SYNRG: variants seen among roughly 807,000 people sequenced by gnomAD.
The protein encoded by SYNRG is AP1 gamma subunit binding protein 1.
Under a neutral mutation model 130.9 loss-of-function variants are expected in SYNRG, and 37 were observed. The observed-to-expected ratio is 0.28, with a 90% CI of 0.22 to 0.37. SYNRG has a LOEUF of 0.37. Ranked by LOEUF, SYNRG falls within the 10% of genes least tolerant of loss-of-function variation. The pLI, the probability that SYNRG is intolerant of heterozygous loss-of-function variation, is 1.00. For missense variants in SYNRG, 1,338 were observed against 1,588.9 expected, an observed-to-expected ratio of 0.84 and a Z score of 2.68; for synonymous variants, 539 against 568.1, an observed-to-expected ratio of 0.95 and a Z score of 0.73.
chr17:37,539,842 G>C (rs2057571625), intron 16 of SYNRG, among the ~76,000 whole-genome samples: 1 of 152,188 alleles, frequency 6.6e-6, no homozygotes, highest in Non-Finnish European at 1.5e-5. Context: ...GAGGCACTCA[G>C]CATGTAGCTA....
chr17:37,520,622 G>A lies in SYNRG; in HGVS notation c.3693C>T (p.Ser1231=). The A allele has an allele frequency of 6.2e-7, 1 of 1,614,144 alleles. No homozygotes were observed. Among genetic ancestry groups the A allele is most frequent in the Non-Finnish European group, 8.5e-7 (1 of 1,180,040 alleles). Residue 1231 remains serine, a synonymous_variant, in exon 20 of 22, where the codon TCC becomes TCT. Coordinates refer to ENST00000612223, the MANE Select transcript of SYNRG (RefSeq NM_007247.6). ...TAATCCCAGGCCGTAACATACAGGA[G>A]GAAAAATCCAGCGAGTTTTCATCTG... ...LTPDENSLDF[S]SCMLRPGIKN...
chr17:37,559,618 AG>A (rs1159675732), intron 13 of SYNRG, among the ~76,000 whole-genome samples: 8 of 152,152 alleles, frequency 5.3e-5, no homozygotes, highest in African/African-American at 1.2e-4. Flanking sequence ...TGAACCCAAG[AG>A]GTGGAGGTTG....
intron 7 of SYNRG, 137 bp from the exon 8 acceptor site, chr17:37,576,555 C>A: frequency 1.6e-6 from 1 of 642,176 alleles, no homozygotes; most frequent in Non-Finnish European, 2.6e-6. Flanking sequence ...ATACTTGGTC[C>A]CCCCTGCCTC....
Position 37,563,732 on chromosome 17 carries a change from T to C in SYNRG, c.1482-2143A>G, listed in dbSNP as rs144531263. Among the ~76,000 whole-genome samples the C allele has an allele frequency of 3.4e-4, 51 of 152,184 alleles. 1 individual carries two copies. In the East Asian group the frequency reaches 6.8e-3, roughly 20 times the overall value. On this transcript the variant is annotated intron_variant, in intron 11 of 21. Transcript: ENST00000612223. ...TTGCATTTTTTGTAGAGATGGCATTTCCATAGGTTGTCCAGGATCAAGTGA... is the reference window on the plus strand; with the variant it reads ...TTGCATTTTTTGTAGAGATGGCATTCCCATAGGTTGTCCAGGATCAAGTGA...
At chr17:37,564,938 A>G (rs2059812068) in intron 11 of SYNRG, among the ~76,000 whole-genome samples, 1 of 152,242 alleles carries the variant, frequency 6.6e-6, no homozygotes, top group African/African-American at 2.4e-5. Context: ...TGAATAAATG[A>G]ATAATGAGTA....
chr17:37,553,531 G>C lies in SYNRG; in HGVS notation c.2192C>G (p.Thr731Arg). The C allele has an allele frequency of 6.2e-7, 1 of 1,614,186 alleles. No individual in the cohort carries two copies. The highest frequency in any genetic ancestry group is 1.1e-5 in the South Asian group (1 of 91,076). ...AGTCGAGTTTTGTCCACCCTTCACT[G>C]TGCTGCCCACGTTGCTGGTTAGAGG... ...PVPLTSNVGS[T>R]VKGGQNSTAA... Residue 731 changes from threonine to arginine, a missense_variant, in exon 14 of 22, where the codon ACA (threonine) becomes AGA (arginine). Coordinates refer to ENST00000612223, the MANE Select transcript of SYNRG (RefSeq NM_007247.6).
intron 14 of SYNRG, among the ~76,000 whole-genome samples, chr17:37,548,684 G>C (rs928702201): frequency 6.6e-6 from 1 of 151,960 alleles, no homozygotes; most frequent in Non-Finnish European, 1.5e-5. Context: ...TGGGCGTGGT[G>C]GCAGGCACCT....
intron 19 of SYNRG, among the ~76,000 whole-genome samples, chr17:37,533,461 A>G (rs1418533743): frequency 1.4e-4 from 17 of 117,424 alleles, no homozygotes; most frequent in Non-Finnish European, 2.7e-4. Context: ...TAGGAGATTA[A>G]AAAAAAAATG....
intron 1 of SYNRG, among the ~76,000 whole-genome samples, chr17:37,604,640 A>G (rs2063586621): frequency 6.6e-6 from 1 of 152,216 alleles, no homozygotes; most frequent in Non-Finnish European, 1.5e-5. Context: ...TTCCTTCAAG[A>G]ACTTTTCCTC....
In SYNRG at chr17:37,554,235, G is replaced by GTC. The variant is rs1329617522; in HGVS notation, c.1664-178_1664-177dup. Reference sequence around the variant, plus strand: ...ACTACACATTTATTTCCACACTGAAGTCTAGTGATACTGAAATAAATAGAA... The same window carrying GTC: ...ACTACACATTTATTTCCACACTGAAGTCTCTAGTGATACTGAAATAAATAGAA... On this transcript the variant is annotated intron_variant, in intron 13 of 21. Coordinates refer to ENST00000612223, the MANE Select transcript of SYNRG (RefSeq NM_007247.6). Among the ~76,000 whole-genome samples, 29 of 152,138 alleles carry GTC rather than the reference G, an allele frequency of 1.9e-4. 1 individual carries two copies. The highest frequency in any genetic ancestry group is 1.9e-3 in the Admixed American group (29 of 15,266).
intron 8 of SYNRG, among the ~76,000 whole-genome samples, chr17:37,573,254 T>C (rs2060570532): frequency 6.6e-6 from 1 of 151,906 alleles, no homozygotes; most frequent in South Asian, 2.1e-4. Context: ...ATAAAAAAAA[T>C]TAGCCAGGCG....
intron 8 of SYNRG, among the ~76,000 whole-genome samples, chr17:37,575,127 T>C (rs1025641447): frequency 2.0e-5 from 3 of 151,646 alleles, no homozygotes; most frequent in Admixed American, 6.6e-5. Flanking sequence ...AGACAGAGAA[T>C]AGAATGATGG....
At chr17:37,548,660 A>G (rs1056356601) in intron 14 of SYNRG, among the ~76,000 whole-genome samples, 2 of 151,708 alleles carry the variant, frequency 1.3e-5, no homozygotes, top group African/African-American at 2.4e-5. Context: ...TCTACTAAAA[A>G]TACAAAAATT....
intron 19 of SYNRG, among the ~76,000 whole-genome samples, chr17:37,526,041 G>A (rs1466777422): frequency 3.3e-5 from 5 of 152,130 alleles, no homozygotes; most frequent in African/African-American, 1.2e-4. Flanking sequence ...GCTGAGGTAG[G>A]AGAATAGCTT....
chr17:37,584,780 G>A, intron 5 of SYNRG, 21 bp from the exon 6 acceptor site: 1 of 1,561,716 alleles, frequency 6.4e-7, no homozygotes, highest in Non-Finnish European at 8.8e-7. Context: ...ACAAATATAT[G>A]CGTATTTCTT....
In SYNRG at chr17:37,576,358, T is replaced by C. The variant is rs762641336; in HGVS notation, c.884A>G (p.Asn295Ser). The C allele has an allele frequency of 3.1e-5, 50 of 1,613,682 alleles. No homozygotes were observed. Among genetic ancestry groups the C allele is most frequent in the South Asian group, 6.6e-5 (6 of 91,068 alleles). The change falls in exon 8 of 22, where the codon AAT becomes AGT. Residue 295 changes from asparagine to serine, a missense_variant. By Grantham distance (46) the Asn-to-Ser change is conservative (BLOSUM62 1). Around this residue, in one of 3 missense-constraint regions of SYNRG, gnomAD observed 1,146 missense variants for 1,342.3 expected, o/e 0.85. Coordinates refer to ENST00000612223, the MANE Select transcript of SYNRG (RefSeq NM_007247.6). Reference protein sequence around the residue: ...AQPRMPPWIYNESLVPDAYKK... With the variant: ...AQPRMPPWIYSESLVPDAYKK... ...TTTTTTACCTGGAACCAAACTCTCA[T>C]TGTAAATCCAAGGAGGCATTCTGGG...
chr17:37,560,587 C>T (rs900132567), intron 13 of SYNRG, among the ~76,000 whole-genome samples: 50 of 152,020 alleles, frequency 3.3e-4, no homozygotes, highest in African/African-American at 1.0e-3. Flanking sequence ...GATCCGCCCA[C>T]ATCGGCCTCC....
chr17:37,516,423 T>G lies in SYNRG; in HGVS notation c.*2517A>C, dbSNP rs2143317683. On this transcript the variant is annotated 3_prime_UTR_variant, in exon 22 of 22. Coordinates refer to ENST00000612223, the MANE Select transcript of SYNRG (RefSeq NM_007247.6). ...CAAAGGCTTTTTTTCTGTTGACATC[T>G]GCTGAATTTTCCTGTGGCACCTCCC... 6.6e-6 allele frequency: 1 copy of G among 152,318 alleles called. No individual in the cohort carries two copies. The highest frequency in any genetic ancestry group is 1.9e-4 in the East Asian group (1 of 5,188). 9.4% of individuals were successfully genotyped at this position (152,318 alleles called of 1,614,324 possible).
rs775106076 is a variant in SYNRG at position 37,520,547 on chromosome 17, C to T, written c.3768G>A (p.Ser1256=). The change falls in exon 20 of 22, where the codon TCG becomes TCA. Residue 1256 remains serine, a synonymous_variant. Transcript: ENST00000612223. ...ACGVCLLNVD[S]RSRKEEKPAE... ...AGGCTGCGTGACTTACCCGGCTCCTCGAGTCCACATTCAAGAGGCACACTC... is the reference window on the plus strand; with the variant it reads ...AGGCTGCGTGACTTACCCGGCTCCTTGAGTCCACATTCAAGAGGCACACTC... The T allele has an allele frequency of 3.7e-6, 6 of 1,614,092 alleles. No individual in the cohort carries two copies. Among genetic ancestry groups the T allele is most frequent in the South Asian group, 1.1e-5 (1 of 91,080 alleles).
Sources: allele counts gnomAD v4.1 joint callset (sites outside exome capture counted in the v4.1 genomes callset), GRCh38; gene constraint gnomAD v4.1.1; regional missense constraint gnomAD v4.1.1; transcripts MANE v1.5; gene names NCBI Gene and HGNC (gene_info 2026-07-23, HGNC 2026-07-21).